The following SULT1C3 variants were observed in gnomAD, a reference collection of about 807,000 sequenced individuals.
The protein encoded by SULT1C3 is sulfotransferase 1C3.
Under a neutral mutation model 28.4 loss-of-function variants are expected in SULT1C3, and 31 were observed. The ratio of observed to expected loss-of-function variants is 1.09; its 90% CI spans 0.82 to 1.47. The LOEUF is 1.47. SULT1C3 is among the 40% of genes most tolerant of loss of function. The pLI, the probability that SULT1C3 is intolerant of heterozygous loss-of-function variation, is 0.00. For missense variants in SULT1C3, 307 were observed against 272.5 expected, an observed-to-expected ratio of 1.13 and a Z score of -0.89; for synonymous variants, 106 against 92.2, an observed-to-expected ratio of 1.15 and a Z score of -0.86.
At chr2:108,257,451 T>C (rs571870401) in intron 5 of SULT1C3, among the ~76,000 whole-genome samples, 2 of 152,134 alleles carry the variant, frequency 1.3e-5, no homozygotes, top group South Asian at 2.1e-4. Context: ...GTGTACACAT[T>C]TATATTATGC....
At chr2:108,262,319 G>A (rs2104395097), downstream of SULT1C3, among the ~76,000 whole-genome samples, 1 of 152,154 alleles carries the variant, frequency 6.6e-6, no homozygotes, top group Non-Finnish European at 1.5e-5. Context: ...GCAGATTAAA[G>A]GAAAAGCAAA....
intron 5 of SULT1C3, 70 bp from the exon 6 acceptor site, chr2:108,258,664 C>A: frequency 4.7e-6 from 5 of 1,061,378 alleles, no homozygotes; most frequent in South Asian, 1.5e-5. Context: ...TTCAAAGGAG[C>A]ACTAATTTAC....
At chr2:108,249,640 T>C (rs1675679557) in intron 2 of SULT1C3, among the ~76,000 whole-genome samples, 1 of 152,082 alleles carries the variant, frequency 6.6e-6, no homozygotes, top group Admixed American at 6.6e-5. Flanking sequence ...TAAGGAGGCA[T>C]ACCCTATCTA....
intron 4 of SULT1C3, among the ~76,000 whole-genome samples, chr2:108,253,830 C>T (rs1675796052): frequency 6.6e-6 from 1 of 152,004 alleles, no homozygotes; most frequent in Non-Finnish European, 1.5e-5. Flanking sequence ...ATAGAATCTG[C>T]TCTTGTCAAG....
At chr2:108,264,975 G>A (rs1170744815), downstream of SULT1C3, 5 of 1,612,976 alleles carry the variant, frequency 3.1e-6, no homozygotes, top group African/African-American at 2.7e-5. Context: ...CAGCATTATG[G>A]ACCACTCCAT....
At chr2:108,249,619 A>C (rs1675678712) in intron 2 of SULT1C3, among the ~76,000 whole-genome samples, 1 of 152,072 alleles carries the variant, frequency 6.6e-6, no homozygotes, top group Non-Finnish European at 1.5e-5. Flanking sequence ...ATTGTATAAG[A>C]CTTAAATAAA....
At chr2:108,240,717 G>A (rs764488722) in intron 1 of SULT1C3, among the ~76,000 whole-genome samples, 1 of 152,158 alleles carries the variant, frequency 6.6e-6, no homozygotes, top group Non-Finnish European at 1.5e-5. Flanking sequence ...CGTCTAAAAT[G>A]TAGGCAAAAA....
intron 1 of SULT1C3, among the ~76,000 whole-genome samples, chr2:108,243,662 G>T (rs1675520956): frequency 6.6e-6 from 1 of 151,440 alleles, no homozygotes. Flanking sequence ...CTTCCCTCTT[G>T]CCTGGGAACA....
intron 3 of SULT1C3, among the ~76,000 whole-genome samples, chr2:108,253,121 T>C (rs780495345): frequency 1.1e-4 from 16 of 152,034 alleles, no homozygotes; most frequent in Non-Finnish European, 2.2e-4. Flanking sequence ...AAAAAGAGCT[T>C]TCCTGAAAGT....
downstream of SULT1C3, among the ~76,000 whole-genome samples, chr2:108,262,799 G>A (rs1194613800): frequency 6.6e-6 from 1 of 152,114 alleles, no homozygotes; most frequent in Admixed American, 6.6e-5. Context: ...TGAGGGTCGG[G>A]CTGCTATTTC....
At chr2:108,258,866 C>G (rs1164473961) in intron 6 of SULT1C3, 38 bp downstream of exon 6, 11 of 1,494,572 alleles carry the variant, frequency 7.4e-6, no homozygotes, top group African/African-American at 1.4e-5. Flanking sequence ...GACCCAGAAA[C>G]CCTCCTGACA....
chr2:108,253,037 A>AAG (rs1181851504), intron 3 of SULT1C3, among the ~76,000 whole-genome samples: 1 of 152,004 alleles, frequency 6.6e-6, no homozygotes, highest in African/African-American at 2.4e-5. Context: ...TGACAAACAA[A>AAG]AGAGAGAGAG....
At chr2:108,254,920 T>C (rs1430171625) in intron 4 of SULT1C3, among the ~76,000 whole-genome samples, 2 of 151,700 alleles carry the variant, frequency 1.3e-5, no homozygotes, top group African/African-American at 2.4e-5. Flanking sequence ...CATACAAATA[T>C]CAAGGAACTA....
At chr2:108,259,955 T>G (rs986902045) in intron 7 of SULT1C3, among the ~76,000 whole-genome samples, 2 of 152,116 alleles carry the variant, frequency 1.3e-5, no homozygotes, top group Non-Finnish European at 2.9e-5. Context: ...AATCTAGAAT[T>G]TGATATTATG....
intron 4 of SULT1C3, among the ~76,000 whole-genome samples, chr2:108,254,375 T>C (rs1399620972): frequency 1.3e-5 from 2 of 152,032 alleles, no homozygotes; most frequent in African/African-American, 4.8e-5. Context: ...GGTCTTTTCA[T>C]AGAGGGCCCC....
chr2:108,254,092 A>G (rs1189238572), intron 4 of SULT1C3, among the ~76,000 whole-genome samples: 1 of 151,850 alleles, frequency 6.6e-6, no homozygotes, highest in African/African-American at 2.4e-5. Context: ...TACTCTTCCT[A>G]AAACACAATC....
intron 1 of SULT1C3, among the ~76,000 whole-genome samples, chr2:108,246,705 A>C (rs1328645792): frequency 2.6e-5 from 4 of 152,242 alleles, no homozygotes; most frequent in Non-Finnish European, 5.9e-5. Context: ...AAACTATTCA[A>C]GAAAATTGAG....
At position 108,253,435 on chromosome 2, in the gene SULT1C3, A is replaced by G; in HGVS notation, c.392A>G (p.Asn131Ser). The G allele has an allele frequency of 6.5e-7, 1 of 1,542,634 alleles. No individual in the cohort carries two copies. The highest frequency in any genetic ancestry group is 8.8e-7 in the Non-Finnish European group (1 of 1,141,174). Residue 131 changes from asparagine (N) to serine (S), a missense_variant, in exon 4 of 8, where the codon AAC becomes AGC. By Grantham distance (46) the Asn-to-Ser change is conservative. Transcript: ENST00000681802. ...ATTCCACCATCTATCTGGAAAGAAA[A>G]CTGCAAGGTATAAAGAGGGGGCTTT... is the stretch of plus-strand genomic sequence containing the variant. ...HLIPPSIWKE[N>S]CKIVYVARNP...
downstream of SULT1C3, among the ~76,000 whole-genome samples, chr2:108,264,404 T>C (rs1676086058): frequency 6.6e-6 from 1 of 152,224 alleles, no homozygotes; most frequent in Non-Finnish European, 1.5e-5. Context: ...TTGCCATCTG[T>C]TGTAGTCCAA....
Sources: gnomAD v4.1 joint callset for allele counts (sites outside exome capture counted in the v4.1 genomes callset) on GRCh38, gnomAD v4.1.1 for gene constraint, MANE v1.5 for transcripts, NCBI Gene and HGNC (gene_info 2026-07-23, HGNC 2026-07-21) for gene names.